The following SYT7 variants were observed in gnomAD, a reference collection of about 807,000 sequenced individuals.
SYT7 encodes the protein synaptotagmin 7, also known as synaptotagmin-7.
In SYT7, 29 loss-of-function variants were observed where a neutral mutation model predicts 75.1. That is an observed-to-expected ratio of 0.39 (90% CI 0.29 to 0.53). The LOEUF (loss-of-function observed/expected upper bound fraction) is 0.53. Ranked by LOEUF, SYT7 falls within the 20% of genes least tolerant of loss-of-function variation. SYT7 has a pLI of 0.77. For synonymous variants in SYT7, 376 were observed against 401.7 expected (o/e 0.94, Z 0.76); for missense variants, 693 against 953.2 (o/e 0.73, Z 3.59).
In SYT7 at chr11:61,524,638, GCTGCCACCCCA is replaced by G; in HGVS notation, c.1472-117_1472-107del. The G allele has an allele frequency of 8.7e-7, 1 of 1,149,480 alleles. No individual in the cohort carries two copies. Among genetic ancestry groups the G allele is most frequent in the Non-Finnish European group, 1.2e-6 (1 of 822,980 alleles). 71.2% of individuals were successfully genotyped at this position (1,149,480 alleles called of 1,614,324 possible). On this transcript the variant is annotated intron_variant, in intron 9 of 12. Coordinates refer to ENST00000539008, the MANE Select transcript of SYT7 (RefSeq NM_001365809.2). This position sits in a 1 kb window ranked among gnomAD's most constrained non-coding sequence, Gnocchi z 4.1. ...GAGGAGGCAGGCCCTGTGCCCTCCCGCTGCCACCCCACCGGGCCAGCAGGCACACCGGATTG... is the reference window on the plus strand; with the variant it reads ...GAGGAGGCAGGCCCTGTGCCCTCCCGCCGGGCCAGCAGGCACACCGGATTG...
rs1278295141 is a variant in SYT7, at chr11:61,546,986, G to A, written c.347+191C>T. On this transcript the variant is annotated intron_variant, in intron 4 of 12. Transcript: ENST00000539008. This position sits in a 1 kb window ranked among gnomAD's most constrained non-coding sequence, Gnocchi z 7.6. The stretch of plus-strand genomic sequence containing the variant: ...GGGGACGGGAGCGGGCAGGCAGGTG[G>A]GTTGGGGCAGGTGGGGTTGCTCGTC... Among the ~76,000 whole-genome samples, 1 of 152,094 alleles carries A rather than the reference G, an allele frequency of 6.6e-6. No homozygotes were observed.
In SYT7 at chr11:61,551,128, C is replaced by T. The variant is rs996320778; in HGVS notation, c.215+256G>A. Among the ~76,000 whole-genome samples the T allele has an allele frequency of 6.6e-6, 1 of 152,092 alleles. No individual in the cohort carries two copies. Among genetic ancestry groups the T allele is most frequent in the African/African-American group, 2.4e-5 (1 of 41,508 alleles). ...AAGCGGCAACCAGGGTTGAGGTGGGCGCAGAAGGTGCTGGCGGTGAGGGCA... is the reference window on the plus strand; with the variant it reads ...AAGCGGCAACCAGGGTTGAGGTGGGTGCAGAAGGTGCTGGCGGTGAGGGCA... On this transcript the variant is annotated intron_variant, in intron 3 of 12. Coordinates refer to ENST00000539008, the MANE Select transcript of SYT7 (RefSeq NM_001365809.2). This position sits in a 1 kb window ranked among gnomAD's most constrained non-coding sequence, Gnocchi z 5.3.
intron 6 of SYT7, 23 bp from the exon 7 acceptor site, chr11:61,538,289 A>AGG: frequency 2.8e-6 from 4 of 1,450,654 alleles, no homozygotes; most frequent in Non-Finnish European, 3.7e-6. Context: ...GGCAGCCCAC[A>AGG]GGCCAGGGTG....
At position 61,517,227 on chromosome 11, in the gene SYT7, G is replaced by A. The variant is rs569906129; in HGVS notation, c.*1400C>T. ...GCGTGGGGATGAGAGGGCTTAAGCA[G>A]GGATCAGCCTGAAATCTGCCGTCTC... On this transcript the variant is annotated 3_prime_UTR_variant, in exon 13 of 13. Coordinates refer to ENST00000539008, the MANE Select transcript of SYT7 (RefSeq NM_001365809.2). 13 of 398,606 alleles carry A rather than the reference G, an allele frequency of 3.3e-5. No homozygotes were observed. Among genetic ancestry groups the A allele is most frequent in the African/African-American group, 2.5e-4 (12 of 48,724 alleles). The allele number at this position is 398,606 out of a possible 1,614,324, so 24.7% of individuals were successfully genotyped here.
chr11:61,555,025 C>T (rs2063455432), intron 2 of SYT7, among the ~76,000 whole-genome samples: 1 of 152,204 alleles, frequency 6.6e-6, no homozygotes, highest in Non-Finnish European at 1.5e-5. Context: ...CTCACAAGAC[C>T]CCAAAACCTT....
rs986369725 is a variant in SYT7, at chr11:61,515,199, G to A, written c.*3428C>T. On this transcript the variant is annotated 3_prime_UTR_variant, in exon 13 of 13. Coordinates refer to ENST00000539008, the MANE Select transcript of SYT7 (RefSeq NM_001365809.2). ...TCACCAGTGAAGTCAAATCCCAAAG[G>A]TGACACACTGAGGGGAGGCTCAGCC... 1 of 152,408 alleles carries A rather than the reference G, an allele frequency of 6.6e-6. No homozygotes were observed. The highest frequency in any genetic ancestry group is 2.4e-5 in the African/African-American group (1 of 41,580). The allele number at this position is 152,408 out of a possible 1,614,324, so 9.4% of individuals were successfully genotyped here. A position where few individuals can be genotyped will look rare whatever the true frequency, so the allele number is the denominator to read the frequency against.
At chr11:61,570,418 G>C (rs2063891925) in intron 1 of SYT7, among the ~76,000 whole-genome samples, 1 of 152,160 alleles carries the variant, frequency 6.6e-6, no homozygotes, top group Non-Finnish European at 1.5e-5. Context: ...AAACATTACT[G>C]AACACTTACT....
chr11:61,518,428 C>T lies in SYT7; in HGVS notation c.*199G>A, dbSNP rs1017649240. On this transcript the variant is annotated 3_prime_UTR_variant, in exon 13 of 13. Coordinates refer to ENST00000539008, the MANE Select transcript of SYT7 (RefSeq NM_001365809.2). ...GGAAAATGCCTCCCAGAGCCCCTTCCCCGGAGCTGGACTGTGGGGGATGGG... is the reference window on the plus strand; with the variant it reads ...GGAAAATGCCTCCCAGAGCCCCTTCTCCGGAGCTGGACTGTGGGGGATGGG... The T allele has an allele frequency of 1.2e-5, 5 of 415,038 alleles. No individual in the cohort carries two copies. Among genetic ancestry groups the T allele is most frequent in the Non-Finnish European group, 2.1e-5 (5 of 235,062 alleles). The allele number at this position is 415,038 out of a possible 1,614,324, so 25.7% of individuals were successfully genotyped here.
intron 9 of SYT7, 54 bp downstream of exon 9, chr11:61,527,861 G>T (rs2062571175): frequency 1.3e-6 from 2 of 1,595,854 alleles, no homozygotes; most frequent in Admixed American, 3.4e-5. Context: ...TTGGGTAGGG[G>T]GATGGTAGAC....
intron 7 of SYT7, chr11:61,533,583 T>A: frequency 1.0e-6 from 1 of 985,354 alleles, no homozygotes; most frequent in Non-Finnish European, 1.2e-6. Context: ...GCCCAGAATG[T>A]CTGTTTCCCA....
At chr11:61,544,524 C>T (rs575131291) in intron 5 of SYT7, among the ~76,000 whole-genome samples, 2 of 152,280 alleles carry the variant, frequency 1.3e-5, no homozygotes, top group East Asian at 1.9e-4. Flanking sequence ...CAGGCCTGGC[C>T]GGCCAGGTAG....
chr11:61,552,469 CAT>C (rs1026851756), intron 2 of SYT7, among the ~76,000 whole-genome samples: 5 of 137,866 alleles, frequency 3.6e-5, no homozygotes, highest in African/African-American at 7.1e-5. Flanking sequence ...CACACACACA[CAT>C]GCACACACAC....
chr11:61,555,035 T>C (rs1211665042), intron 2 of SYT7, among the ~76,000 whole-genome samples: 1 of 152,148 alleles, frequency 6.6e-6, no homozygotes, highest in African/African-American at 2.4e-5. Flanking sequence ...CCCAAAACCT[T>C]TTCCCAGGGG....
At chr11:61,539,070 G>A (rs2062965892) in intron 6 of SYT7, among the ~76,000 whole-genome samples, 1 of 152,246 alleles carries the variant, frequency 6.6e-6, no homozygotes, top group South Asian at 2.1e-4. Flanking sequence ...CAGGTCAAGG[G>A]CCTTTCATTG....
chr11:61,528,255 A>G (rs2062590332), intron 8 of SYT7, 70 bp from the exon 9 acceptor site: 1 of 1,556,194 alleles, frequency 6.4e-7, no homozygotes, highest in African/African-American at 1.3e-5. Context: ...ACCGCTGGCT[A>G]GCACGGGTGA....
intron 6 of SYT7, among the ~76,000 whole-genome samples, 185 bp from the exon 7 acceptor site, chr11:61,538,451 A>C (rs2062947304): frequency 6.6e-6 from 1 of 152,088 alleles, no homozygotes; most frequent in Admixed American, 6.5e-5. Flanking sequence ...CTGGCCCTGC[A>C]GGAAAGAAAA....
chr11:61,577,249 T>C (rs1002525684), intron 1 of SYT7, among the ~76,000 whole-genome samples: 5 of 152,240 alleles, frequency 3.3e-5, no homozygotes, highest in African/African-American at 1.2e-4. Flanking sequence ...GGTTTTAGAC[T>C]TGCCCAGCCT....
At chr11:61,556,234 C>T (rs1199714877) in intron 1 of SYT7, 27 bp from the exon 2 acceptor site, 1 of 1,592,360 alleles carries the variant, frequency 6.3e-7, no homozygotes, top group Admixed American at 1.7e-5. Flanking sequence ...CAGGTCACAC[C>T]CTCATTGGCC....
At chr11:61,544,623 G>C (rs1168336203) in intron 5 of SYT7, among the ~76,000 whole-genome samples, 1 of 152,162 alleles carries the variant, frequency 6.6e-6, no homozygotes, top group Non-Finnish European at 1.5e-5. Flanking sequence ...CCTCATTTTG[G>C]TTTCCTATCA....
Sources: allele counts gnomAD v4.1 joint callset (sites outside exome capture counted in the v4.1 genomes callset), GRCh38; gene constraint gnomAD v4.1.1; non-coding constraint Gnocchi (gnomAD v3.1); transcripts MANE v1.5; gene names NCBI Gene and HGNC (gene_info 2026-07-23, HGNC 2026-07-21).